ACSS3: variants seen among roughly 807,000 people sequenced by gnomAD.
ACSS3 encodes acyl-CoA synthetase short chain family member 3.
Under a neutral mutation model 84.2 loss-of-function variants are expected in ACSS3, and 64 were observed. The observed-to-expected ratio is 0.76, with a 90% confidence interval of 0.62 to 0.94. ACSS3 has a LOEUF of 0.94. ACSS3 is among the 40% of genes least tolerant of loss of function. The pLI is 0.00. For synonymous variants in ACSS3, 317 were observed against 310.1 expected, an observed-to-expected ratio of 1.02 and a Z score of -0.23; for missense variants, 815 against 867.6, an observed-to-expected ratio of 0.94 and a Z score of 0.76.
At chr12:81,249,639 G>A (rs1460071557) in intron 13 of ACSS3, among the ~76,000 whole-genome samples, 1 of 152,020 alleles carries the variant, frequency 6.6e-6, no homozygotes, top group Non-Finnish European at 1.5e-5. Flanking sequence ...AGCATTAAAT[G>A]ACTATTGGAT....
At chr12:81,165,136 A>C (rs193202509) in intron 7 of ACSS3, among the ~76,000 whole-genome samples, 15 of 152,302 alleles carry the variant, frequency 9.8e-5, no homozygotes, top group Non-Finnish European at 1.5e-4. Context: ...TTGTTAAAAA[A>C]ATATTTATTT....
rs1009374559 is a variant in ACSS3 at position 81,161,099 on chromosome 12, C to T, written c.1098+9003C>T. On this transcript the variant is annotated intron_variant, in intron 7 of 15. Transcript: ENST00000548058. ...TATATAAACACTAAACATAAATTCT[C>T]CTGTAATCCAGTCACTTAAATGCTT... Among the ~76,000 whole-genome samples the T allele has an allele frequency of 2.0e-5, 3 of 152,222 alleles. No homozygotes were observed. In the South Asian group the frequency reaches 6.2e-4, roughly 31 times the overall value.
At position 81,155,971 on chromosome 12, in the gene ACSS3, C is replaced by T. The variant is rs370762437; in HGVS notation, c.1098+3875C>T. On this transcript the variant is annotated intron_variant, in intron 7 of 15. Transcript: ENST00000548058. ...AATACACATTCTTTTTAAATGCCCA[C>T]AGAATAATTACCAAGATAAACGAAA... Among the ~76,000 whole-genome samples, 4 of 152,106 alleles carry T rather than the reference C, an allele frequency of 2.6e-5. No homozygotes were observed. In the East Asian group the frequency reaches 5.8e-4, roughly 22 times the overall value.
At chr12:81,104,639 C>G (rs1246780072) in intron 1 of ACSS3, 1 of 151,900 alleles carries the variant, frequency 6.6e-6, no homozygotes, top group Non-Finnish European at 1.5e-5. Context: ...GTGCCCTTCT[C>G]CTTTCATCTA....
At chr12:81,163,978 C>A (rs933962395) in intron 7 of ACSS3, among the ~76,000 whole-genome samples, 3 of 152,124 alleles carry the variant, frequency 2.0e-5, no homozygotes, top group African/African-American at 7.2e-5. Flanking sequence ...AAAACTACTT[C>A]TTTAGAAATT....
At chr12:81,079,210 A>C (rs1180870903) in intron 1 of ACSS3, among the ~76,000 whole-genome samples, 3 of 152,202 alleles carry the variant, frequency 2.0e-5, no homozygotes, top group African/African-American at 4.8e-5. Context: ...AGAAGTTATA[A>C]GCATGATTTT....
intron 9 of ACSS3, chr12:81,199,858 C>A: frequency 2.5e-6 from 1 of 395,012 alleles, no homozygotes; most frequent in Non-Finnish European, 4.7e-6. Context: ...ATTCTCTCTG[C>A]TTTTTGATAC....
chr12:81,202,664 AT>A, intron 9 of ACSS3, among the ~76,000 whole-genome samples: 1 of 152,328 alleles, frequency 6.6e-6, no homozygotes, highest in Middle Eastern at 3.4e-3. Context: ...TGAGCCTTTC[AT>A]ATAAATTCAT....
intron 9 of ACSS3, among the ~76,000 whole-genome samples, chr12:81,215,548 A>ATATTG (rs1161101094): frequency 6.6e-6 from 1 of 152,204 alleles, no homozygotes; most frequent in Non-Finnish European, 1.5e-5. Flanking sequence ...GGTAGAGCCC[A>ATATTG]TGGTAGAAGG....
At chr12:81,122,027 G>A (rs1191206130) in intron 2 of ACSS3, among the ~76,000 whole-genome samples, 1 of 151,582 alleles carries the variant, frequency 6.6e-6, no homozygotes, top group East Asian at 1.9e-4. Flanking sequence ...TCCACCTCCC[G>A]GTTCAGGCAA....
rs142943977 is a variant in ACSS3, at chr12:81,238,979, A to C, written c.1719+5508A>C. 1.3e-3 allele frequency among the ~76,000 whole-genome samples: 191 copies of C among 151,888 alleles called. 1 individual carries two copies. The highest frequency in any genetic ancestry group is 4.4e-3 in the African/African-American group (183 of 41,486). On this transcript the variant is annotated intron_variant, in intron 13 of 15. Transcript: ENST00000548058. ...TGATTTTAGATCTCTCTTCTTTTCT[A>C]ATATGTGAATTCAGTGCTATAAATT...
At chr12:81,237,005 A>C (rs2033650409) in intron 13 of ACSS3, among the ~76,000 whole-genome samples, 2 of 151,516 alleles carry the variant, frequency 1.3e-5, no homozygotes, top group Non-Finnish European at 3.0e-5. Context: ...CTTAAAAGGG[A>C]GGGAGGCAGC....
intron 2 of ACSS3, among the ~76,000 whole-genome samples, chr12:81,119,645 A>C (rs1884394116): frequency 6.6e-6 from 1 of 152,080 alleles, no homozygotes; most frequent in Admixed American, 6.6e-5. Context: ...CCCTACTTGC[A>C]CGTCCATTTA....
intron 13 of ACSS3, among the ~76,000 whole-genome samples, chr12:81,248,047 TAGAA>T (rs2034039800): frequency 6.6e-6 from 1 of 152,066 alleles, no homozygotes; most frequent in Non-Finnish European, 1.5e-5. Flanking sequence ...AAGTTATTGT[TAGAA>T]AGTCATTCAT....
intron 13 of ACSS3, among the ~76,000 whole-genome samples, chr12:81,239,021 G>C (rs1020265801): frequency 2.0e-5 from 3 of 151,670 alleles, no homozygotes; most frequent in African/African-American, 7.3e-5. Flanking sequence ...TGAGCATGCT[G>C]TTGCTGCATC....
chr12:81,241,765 A>T (rs2033812747), intron 13 of ACSS3, among the ~76,000 whole-genome samples: 1 of 151,332 alleles, frequency 6.6e-6, no homozygotes, highest in African/African-American at 2.4e-5. Context: ...GGTTGCGAAA[A>T]TTTTCTCCCA....
intron 1 of ACSS3, among the ~76,000 whole-genome samples, chr12:81,107,774 G>A (rs1284796830): frequency 1.3e-5 from 2 of 151,616 alleles, no homozygotes; most frequent in African/African-American, 4.8e-5. Context: ...GGGGGTGGTT[G>A]GGAGCATTGC....
intron 7 of ACSS3, among the ~76,000 whole-genome samples, chr12:81,153,048 T>TTA (rs1555176309): frequency 1.1e-4 from 16 of 151,774 alleles, no homozygotes; most frequent in Non-Finnish European, 1.8e-4. Context: ...ATTGAGATGA[T>TTA]AAAAAAAATC....
At chr12:81,222,907 A>T (rs770753044) in intron 11 of ACSS3, among the ~76,000 whole-genome samples, 3 of 152,052 alleles carry the variant, frequency 2.0e-5, no homozygotes, top group Non-Finnish European at 4.4e-5. Flanking sequence ...ATGTTAGAAA[A>T]TTCTTTTGAT....
Sources: allele counts gnomAD v4.1 joint callset (sites outside exome capture counted in the v4.1 genomes callset), GRCh38; gene constraint gnomAD v4.1.1; transcripts MANE v1.5; gene names NCBI Gene and HGNC (gene_info 2026-07-23, HGNC 2026-07-21).